Variants in NTNG1 observed in about 807,000 individuals in gnomAD.
NTNG1 encodes the protein netrin-G1.
In NTNG1, 16 loss-of-function variants were observed where a neutral mutation model predicts 54.0. The observed-to-expected ratio is 0.30, with a 90% confidence interval of 0.20 to 0.45. The LOEUF (loss-of-function observed/expected upper bound fraction) is 0.45. Ranked by LOEUF, NTNG1 falls within the 20% of genes least tolerant of loss-of-function variation. NTNG1 has a pLI of 1.00. For missense variants in NTNG1, 530 were observed against 678.7 expected (o/e 0.78, Z 2.43); for synonymous variants, 255 against 263.1 (o/e 0.97, Z 0.30).
chr1:107,447,142 T>C (rs1462190459), intron 7 of NTNG1, among the ~76,000 whole-genome samples: 2 of 152,116 alleles, frequency 1.3e-5, no homozygotes, highest in African/African-American at 2.4e-5. Context: ...TAAAACACTA[T>C]AAAAATGATG....
intron 3 of NTNG1, among the ~76,000 whole-genome samples, chr1:107,376,197 G>C (rs1464312272): frequency 1.2e-4 from 18 of 151,388 alleles, no homozygotes. Context: ...GAGGTGGGCG[G>C]ATCATGAGGT....
Position 107,434,701 on chromosome 1 carries a change from T to C in NTNG1, c.1256-1964T>C, listed in dbSNP as rs12567660. Among the ~76,000 whole-genome samples the C allele has an allele frequency of 2.5e-4, 38 of 152,262 alleles. No homozygotes were observed. The East Asian group carries it at 6.9e-3, about 28-fold the overall frequency. ...TTTAATACCTGTAAATCAATTCTAG[T>C]ATAACTTTTAAATGAAGCACCCCCT... On this transcript the variant is annotated intron_variant, in intron 6 of 7. Transcript: ENST00000370068.
chr1:107,469,509 G>GTC (rs1571031152), intron 7 of NTNG1, among the ~76,000 whole-genome samples: 1 of 152,130 alleles, frequency 6.6e-6, no homozygotes, highest in East Asian at 1.9e-4. Flanking sequence ...TTGAGTCAGA[G>GTC]TCTCTCTCTG....
rs1249361408 is a variant in NTNG1, at chr1:107,208,442, AAAGAAAG to A, written c.246+59606_246+59612del. On this transcript the variant is annotated intron_variant, in intron 2 of 7. Transcript: ENST00000370068. The stretch of plus-strand genomic sequence containing the variant: ...CCAAACATCATCTCAAAAAAAAAAA[AAAGAAAG>A]AAAGAAAGAAAGAAAAGAAATGGAG... 6.6e-5 allele frequency among the ~76,000 whole-genome samples: 9 copies of A among 136,360 alleles called. No individual in the cohort carries two copies. The East Asian group carries it at 1.2e-3, about 18-fold the overall frequency. The allele number at this position is 136,360 out of a possible 152,430, so 89.5% of individuals were successfully genotyped here.
chr1:107,273,396 A>G (rs867795484), intron 2 of NTNG1, among the ~76,000 whole-genome samples: 3 of 152,350 alleles, frequency 2.0e-5, no homozygotes, highest in Middle Eastern at 6.8e-3. Flanking sequence ...CCCTCTGAGA[A>G]TTCTTAAGGG....
chr1:107,425,749 T>G (rs1018807996), intron 5 of NTNG1, among the ~76,000 whole-genome samples: 1 of 152,124 alleles, frequency 6.6e-6, no homozygotes, highest in East Asian at 1.9e-4. Context: ...CTTTGAGATA[T>G]CTCCATACTG....
chr1:107,397,019 C>T (rs539983431), intron 4 of NTNG1, among the ~76,000 whole-genome samples: 18 of 152,300 alleles, frequency 1.2e-4, no homozygotes, highest in African/African-American at 3.8e-4. Context: ...CGCATTGAAA[C>T]TGATTTCTTG....
chr1:107,417,595 G>A (rs1674305229), intron 5 of NTNG1, among the ~76,000 whole-genome samples: 1 of 152,024 alleles, frequency 6.6e-6, no homozygotes. Context: ...ACTCATGCCT[G>A]TCCACATATC....
chr1:107,190,928 T>C (rs996315483), intron 2 of NTNG1, among the ~76,000 whole-genome samples: 3 of 152,170 alleles, frequency 2.0e-5, no homozygotes, highest in African/African-American at 7.2e-5. Flanking sequence ...TTATAATCCT[T>C]TGGGTATATA....
At chr1:107,288,788 A>G in intron 2 of NTNG1, among the ~76,000 whole-genome samples, 1 of 152,166 alleles carries the variant, frequency 6.6e-6, no homozygotes, top group East Asian at 1.9e-4. Context: ...AGAAGGTTTA[A>G]TTTATGTATT....
At chr1:107,297,402 G>A (rs1666047950) in intron 2 of NTNG1, among the ~76,000 whole-genome samples, 1 of 151,720 alleles carries the variant, frequency 6.6e-6, no homozygotes, top group African/African-American at 2.4e-5. Flanking sequence ...AGTGGTAACT[G>A]TGAAAGTTGG....
intron 3 of NTNG1, among the ~76,000 whole-genome samples, chr1:107,390,866 A>G (rs963682849): frequency 6.6e-6 from 1 of 152,190 alleles, no homozygotes; most frequent in Non-Finnish European, 1.5e-5. Context: ...AGAATAAGCA[A>G]TTAAAATACA....
At chr1:107,203,236 T>C (rs75840219) in intron 2 of NTNG1, among the ~76,000 whole-genome samples, 17 of 151,942 alleles carry the variant, frequency 1.1e-4, no homozygotes, top group Admixed American at 2.6e-4. Flanking sequence ...TTACTATTTT[T>C]CTTACTGATG....
At chr1:107,444,978 T>C (rs1347389669) in intron 7 of NTNG1, among the ~76,000 whole-genome samples, 2 of 152,124 alleles carry the variant, frequency 1.3e-5, no homozygotes, top group Non-Finnish European at 2.9e-5. Context: ...CAAAATTTTC[T>C]AAAGCTACAT....
chr1:107,462,670 T>G (rs1283675987), intron 7 of NTNG1, among the ~76,000 whole-genome samples: 1 of 152,234 alleles, frequency 6.6e-6, no homozygotes, highest in Non-Finnish European at 1.5e-5. Flanking sequence ...GTTGTTGTTT[T>G]TAAATATCTC....
intron 2 of NTNG1, among the ~76,000 whole-genome samples, chr1:107,287,800 G>C (rs941158726): frequency 3.3e-5 from 5 of 152,110 alleles, no homozygotes; most frequent in African/African-American, 9.7e-5. Flanking sequence ...TCTATGACCT[G>C]TGGCACTCTC....
chr1:107,187,263 C>T (rs1657531961), intron 2 of NTNG1, among the ~76,000 whole-genome samples: 1 of 152,068 alleles, frequency 6.6e-6, no homozygotes, highest in Non-Finnish European at 1.5e-5. Context: ...TATACCCTAG[C>T]ACCCAATGCA....
At chr1:107,178,276 A>G (rs1192343836) in intron 2 of NTNG1, among the ~76,000 whole-genome samples, 1 of 152,210 alleles carries the variant, frequency 6.6e-6, no homozygotes, top group African/African-American at 2.4e-5. Flanking sequence ...AATGATTAGT[A>G]TCAGTGTCAG....
chr1:107,362,363 T>C (rs1216891811), intron 3 of NTNG1, among the ~76,000 whole-genome samples: 1 of 152,202 alleles, frequency 6.6e-6, no homozygotes, highest in Non-Finnish European at 1.5e-5. Context: ...TACTACCACT[T>C]GATGTCTAAT....
Sources: gnomAD v4.1 joint callset for allele counts (sites outside exome capture counted in the v4.1 genomes callset) on GRCh38, gnomAD v4.1.1 for gene constraint, MANE v1.5 for transcripts, NCBI Gene and HGNC (gene_info 2026-07-23, HGNC 2026-07-21) for gene names.